WDR33: variants seen among roughly 807,000 people sequenced by gnomAD.
The protein encoded by WDR33 is WD repeat domain 33, also known as pre-mRNA 3' end processing protein WDR33.
In WDR33, 47 loss-of-function variants were observed where a neutral mutation model predicts 164.9. That is an observed-to-expected ratio of 0.29 (90% CI 0.23 to 0.36). The LOEUF (loss-of-function observed/expected upper bound fraction) is 0.36, where lower values mean the gene tolerates loss of function less well. Ranked by LOEUF, WDR33 falls within the 10% of genes least tolerant of loss-of-function variation. The pLI, the probability that WDR33 is intolerant of heterozygous loss-of-function variation, is 1.00. For missense variants in WDR33, 1,137 were observed against 1,754.1 expected, an observed-to-expected ratio of 0.65 and a Z score of 6.28; for synonymous variants, 505 against 589.0, an observed-to-expected ratio of 0.86 and a Z score of 2.06.
In WDR33 at chr2:127,701,756, G is replaced by A; in HGVS notation, c.*4567C>T. 7.0e-7 allele frequency: 1 copy of A among 1,421,862 alleles called. No individual in the cohort carries two copies. The highest frequency in any genetic ancestry group is 9.2e-7 in the Non-Finnish European group (1 of 1,087,522). The allele number at this position is 1,421,862 out of a possible 1,614,324, so 88.1% of individuals were successfully genotyped here. On this transcript the variant is annotated 3_prime_UTR_variant, in exon 22 of 22. Coordinates refer to ENST00000322313, the MANE Select transcript of WDR33 (RefSeq NM_018383.5). ...TCCCGAGCGTGACGCGCGGGCAGCG[G>A]CTGGCGGCGGGCGGCGGGTGCCTGC...
chr2:127,750,334 A>G (rs1437696986), intron 7 of WDR33, among the ~76,000 whole-genome samples: 1 of 151,928 alleles, frequency 6.6e-6, no homozygotes, highest in East Asian at 2.0e-4. Flanking sequence ...AGCTGAGAAC[A>G]GACTTTTTTT....
chr2:127,746,770 A>C (rs956510245), intron 7 of WDR33, among the ~76,000 whole-genome samples: 10 of 152,258 alleles, frequency 6.6e-5, no homozygotes, highest in Non-Finnish European at 1.5e-4. Flanking sequence ...TAACAACATT[A>C]ATAATTTCTT....
chr2:127,800,883 G>A (rs958821717), intron 1 of WDR33, among the ~76,000 whole-genome samples: 1 of 151,904 alleles, frequency 6.6e-6, no homozygotes, highest in Non-Finnish European at 1.5e-5. Flanking sequence ...ACAATAAACT[G>A]GTTAAAGCTC....
intron 2 of WDR33, among the ~76,000 whole-genome samples, chr2:127,769,461 C>T (rs1687928652): frequency 6.6e-6 from 1 of 151,970 alleles, no homozygotes; most frequent in African/African-American, 2.4e-5. Context: ...AAAAAACCTT[C>T]CCTCCTCATG....
In WDR33 at chr2:127,759,623, GGA is replaced by G. The variant is rs1162378132; in HGVS notation, c.724+3437_724+3438del. ...GGAGACTCACTTGAACCCGAGAGGC[GGA>G]GGTTGCAGTGAGCCAAGATCACACC... On this transcript the variant is annotated intron_variant, in intron 7 of 21. Coordinates refer to ENST00000322313, the MANE Select transcript of WDR33 (RefSeq NM_018383.5). Among the ~76,000 whole-genome samples the G allele has an allele frequency of 3.3e-5, 5 of 152,212 alleles. No individual in the cohort carries two copies. The East Asian group carries it at 7.7e-4, about 23-fold the overall frequency.
Position 127,706,254 on chromosome 2 carries a change from C to G in WDR33, c.*69G>C. ...CAATGGTGCAGGCTTCCTTTTGTTT[C>G]TCTTGGTGAGTCCACAAGAAGTTCT... On this transcript the variant is annotated 3_prime_UTR_variant, in exon 22 of 22. Coordinates refer to ENST00000322313, the MANE Select transcript of WDR33 (RefSeq NM_018383.5). This position sits in a 1 kb window ranked among gnomAD's most constrained non-coding sequence, Gnocchi z 5.1. 7.2e-7 allele frequency: 1 copy of G among 1,386,898 alleles called. No homozygotes were observed. Among genetic ancestry groups the G allele is most frequent in the Non-Finnish European group, 9.6e-7 (1 of 1,039,940 alleles). 85.9% of individuals were successfully genotyped at this position (1,386,898 alleles called of 1,614,324 possible).
chr2:127,753,792 G>A lies in WDR33; in HGVS notation c.724+9270C>T, dbSNP rs13392022. Among the ~76,000 whole-genome samples the A allele has an allele frequency of 7.1e-3, 1,073 of 151,838 alleles. 10 individuals carry two copies. The highest frequency in any genetic ancestry group is 0.025 in the African/African-American group (1,015 of 41,390). On this transcript the variant is annotated intron_variant, in intron 7 of 21. Coordinates refer to ENST00000322313, the MANE Select transcript of WDR33 (RefSeq NM_018383.5). ...AAAAAGAATATAGACTCAAATCAAC[G>A]AAAGGTAATTAAGACAACTCTACAC...
In WDR33 at chr2:127,758,250, C is replaced by T. The variant is rs977119183; in HGVS notation, c.724+4812G>A. On this transcript the variant is annotated intron_variant, in intron 7 of 21. Transcript: ENST00000322313. ...TTCTCCCCCATACCAATCTTTACTT[C>T]ACAATTCTGTCAATTACAGCTTAGG... Among the ~76,000 whole-genome samples, 2 of 152,168 alleles carry T rather than the reference C, an allele frequency of 1.3e-5. 1 individual carries two copies. Among genetic ancestry groups the T allele is most frequent in the South Asian group, 4.1e-4 (2 of 4,834 alleles).
Position 127,734,574 on chromosome 2 carries a change from T to C in WDR33, c.725-7797A>G, listed in dbSNP as rs115244368. On this transcript the variant is annotated intron_variant, in intron 7 of 21. Coordinates refer to ENST00000322313, the MANE Select transcript of WDR33 (RefSeq NM_018383.5). ...CTTTCACATATTCATTTATGTACTC[T>C]TCCACTTCCACTCATTAATTCAAAA... 5.7e-3 allele frequency among the ~76,000 whole-genome samples: 863 copies of C among 152,326 alleles called. 14 individuals carry two copies. Among genetic ancestry groups the C allele is most frequent in the African/African-American group, 0.019 (807 of 41,582 alleles).
Position 127,701,660 on chromosome 2 carries a change from G to C in WDR33, c.*4663C>G. ...GGGACCGGCCGGCGGAGGAGTGGCTGGGCCGCGCGGGCTTGCGCTGGACGT... is the reference window on the plus strand; with the variant it reads ...GGGACCGGCCGGCGGAGGAGTGGCTCGGCCGCGCGGGCTTGCGCTGGACGT... On this transcript the variant is annotated 3_prime_UTR_variant, in exon 22 of 22. Transcript: ENST00000322313. The C allele has an allele frequency of 7.7e-7, 1 of 1,292,158 alleles. No homozygotes were observed. The highest frequency in any genetic ancestry group is 9.8e-7 in the Non-Finnish European group (1 of 1,024,924). The allele number at this position is 1,292,158 out of a possible 1,614,324, so 80.0% of individuals were successfully genotyped here.
intron 1 of WDR33, among the ~76,000 whole-genome samples, chr2:127,772,720 G>A (rs1361433137): frequency 6.6e-6 from 1 of 152,142 alleles, no homozygotes; most frequent in Non-Finnish European, 1.5e-5. Flanking sequence ...GTTTATATCT[G>A]AAGAGGAAAA....
intron 1 of WDR33, among the ~76,000 whole-genome samples, chr2:127,786,648 C>A (rs1688584294): frequency 6.6e-6 from 1 of 152,166 alleles, no homozygotes; most frequent in Non-Finnish European, 1.5e-5. Context: ...TGCGTCACTG[C>A]ACTCCAGCCT....
intron 1 of WDR33, among the ~76,000 whole-genome samples, chr2:127,784,867 A>C (rs770241634): frequency 5.9e-5 from 9 of 152,206 alleles, no homozygotes; most frequent in Non-Finnish European, 1.3e-4. Flanking sequence ...ATAAAATATA[A>C]CTTTCCTTAA....
chr2:127,772,065 G>C (rs562541151), intron 1 of WDR33, among the ~76,000 whole-genome samples: 501 of 152,100 alleles, frequency 3.3e-3, no homozygotes, highest in Middle Eastern at 0.01. Context: ...TTGGGCTCAA[G>C]AGATCCTCAC....
At chr2:127,736,426 T>C (rs549692674) in intron 7 of WDR33, 2 of 985,424 alleles carry the variant, frequency 2.0e-6, no homozygotes, top group Admixed American at 6.1e-5. Flanking sequence ...AGAAGTGTTT[T>C]TCAAGTTATA....
chr2:127,753,702 GTAA>G, intron 7 of WDR33, among the ~76,000 whole-genome samples: 1 of 152,016 alleles, frequency 6.6e-6, no homozygotes, highest in East Asian at 1.9e-4. Context: ...ATCAGAAAAA[GTAA>G]TAAAACAGCA....
rs759914696 is a variant in WDR33, at chr2:127,708,907, A to G, written c.3566-15T>C. On this transcript the variant is annotated splice_polypyrimidine_tract_variant and intron_variant, in intron 20 of 21. Coordinates refer to ENST00000322313, the MANE Select transcript of WDR33 (RefSeq NM_018383.5). This position sits in a 1 kb window ranked among gnomAD's most constrained non-coding sequence, Gnocchi z 6.7. Reference sequence around the variant, plus strand: ...ATGACCTGGCCCTGAAACAAGAAACAAATCTCCTTACAGGAAAGCACAGTG... The same window carrying G: ...ATGACCTGGCCCTGAAACAAGAAACGAATCTCCTTACAGGAAAGCACAGTG... 1.3e-6 allele frequency: 2 copies of G among 1,539,788 alleles called. No individual in the cohort carries two copies. Among genetic ancestry groups the G allele is most frequent in the South Asian group, 1.3e-5 (1 of 79,786 alleles).
chr2:127,808,431 C>A (rs1219773501), intron 1 of WDR33, among the ~76,000 whole-genome samples: 1 of 152,138 alleles, frequency 6.6e-6, no homozygotes, highest in East Asian at 1.9e-4. Flanking sequence ...ATCATGAGTA[C>A]AAGATACAAT....
chr2:127,720,507 C>T lies in WDR33; in HGVS notation c.1672-154G>A, dbSNP rs1360641040. Among the ~76,000 whole-genome samples, 3 of 152,202 alleles carry T rather than the reference C, an allele frequency of 2.0e-5. No homozygotes were observed. Among genetic ancestry groups the T allele is most frequent in the Admixed American group, 6.5e-5 (1 of 15,286 alleles). ...AGTGGTAATTAGAGTCCATGCAACA[C>T]TCAAGCACTGTAAGGAGTTTTAGGT... On this transcript the variant is annotated intron_variant, in intron 15 of 21. Coordinates refer to ENST00000322313, the MANE Select transcript of WDR33 (RefSeq NM_018383.5). The surrounding 1 kb of genome is among the most constrained non-coding windows in gnomAD (Gnocchi z 5.9).
Sources: allele counts gnomAD v4.1 joint callset (sites outside exome capture counted in the v4.1 genomes callset), GRCh38; gene constraint gnomAD v4.1.1; non-coding constraint Gnocchi (gnomAD v3.1); transcripts MANE v1.5; gene names NCBI Gene and HGNC (gene_info 2026-07-23, HGNC 2026-07-21).